Variants in ZC3H12B observed in about 807,000 individuals in gnomAD.
The protein encoded by ZC3H12B is zinc finger CCCH-type containing 12B.
A neutral mutation model predicts 43.9 loss-of-function variants in ZC3H12B; 7 were observed. That is an observed-to-expected ratio of 0.16 (90% CI 0.09 to 0.30). ZC3H12B has a LOEUF of 0.30. Ranked by LOEUF, ZC3H12B falls within the 10% of genes least tolerant of loss-of-function variation. The probability of loss-of-function intolerance (pLI) is 1.00; values close to 1 mark genes in which losing one functional copy is unlikely to be tolerated. For missense variants in ZC3H12B, 475 were observed against 670.2 expected (o/e 0.71, Z 3.22); for synonymous variants, 222 against 241.7 (o/e 0.92, Z 0.76).
At chrX:65,237,012 AT>A in the ZC3H12B span, among the ~76,000 whole-genome samples, 1 of 111,957 alleles carries the variant, frequency 8.9e-6, no homozygotes, top group African/African-American at 3.2e-5. Flanking sequence ...TTTGCTTAGA[AT>A]TGCTGTGGCT....
the ZC3H12B span, among the ~76,000 whole-genome samples, chrX:65,137,405 C>T: frequency 2.7e-5 from 3 of 112,001 alleles, no homozygotes; most frequent in Non-Finnish European, 5.6e-5. Context: ...CTTAAATTTG[C>T]TATCTCTGAC....
At chrX:65,319,114 A>T in the ZC3H12B span, among the ~76,000 whole-genome samples, 1 of 111,311 alleles carries the variant, frequency 9.0e-6, no homozygotes, top group East Asian at 2.8e-4. Flanking sequence ...GTTGTGAAAA[A>T]CCATACAAAG....
At chrX:65,387,677 G>A (rs1468613639) in intron 2 of ZC3H12B, among the ~76,000 whole-genome samples, 1 of 111,952 alleles carries the variant, frequency 8.9e-6, no homozygotes, top group African/African-American at 3.2e-5. Context: ...ATTTGATCCT[G>A]TCATTATGAT....
chrX:65,221,813 A>T, the ZC3H12B span, among the ~76,000 whole-genome samples: 1 of 111,203 alleles, frequency 9.0e-6, no homozygotes, highest in Admixed American at 9.6e-5. Context: ...CACAAGATAT[A>T]AAAAAAAGGA....
chrX:65,176,592 G>A, the ZC3H12B span, among the ~76,000 whole-genome samples: 2 of 111,406 alleles, frequency 1.8e-5, no homozygotes, highest in African/African-American at 6.5e-5. Context: ...ACTGATGGAG[G>A]GGATAACACC....
At chrX:65,392,250 T>A (rs1330925759) in intron 2 of ZC3H12B, among the ~76,000 whole-genome samples, 3 of 110,919 alleles carry the variant, frequency 2.7e-5, no homozygotes, top group African/African-American at 9.9e-5. Context: ...GAGGAGCCCC[T>A]CTGCCTGGCT....
At chrX:65,203,811 G>T in the ZC3H12B span, among the ~76,000 whole-genome samples, 2 of 111,474 alleles carry the variant, frequency 1.8e-5, no homozygotes, top group Non-Finnish European at 3.8e-5. Context: ...ACTTGCCCAG[G>T]AATTCCAGTC....
intron 3 of ZC3H12B, among the ~76,000 whole-genome samples, chrX:65,465,875 A>G (rs1436622536): frequency 9.1e-6 from 1 of 109,911 alleles, no homozygotes; most frequent in South Asian, 4.0e-4. Context: ...AAGGCATACA[A>G]CTTCATGATT....
At chrX:65,162,589 A>G in the ZC3H12B span, among the ~76,000 whole-genome samples, 1 of 111,678 alleles carries the variant, frequency 9.0e-6, no homozygotes, top group African/African-American at 3.3e-5. Context: ...TTCTTCACGT[A>G]GTTCTCGAGT....
the ZC3H12B span, among the ~76,000 whole-genome samples, chrX:65,320,587 C>T: frequency 8.9e-6 from 1 of 111,859 alleles, no homozygotes; most frequent in African/African-American, 3.2e-5. Flanking sequence ...GTCTGAATAG[C>T]CAAGGCAATT....
chrX:65,094,647 G>A, the ZC3H12B span, among the ~76,000 whole-genome samples: 1 of 112,476 alleles, frequency 8.9e-6, no homozygotes, highest in Non-Finnish European at 1.9e-5. Flanking sequence ...AACTGTACTA[G>A]CAGTTACTGT....
the ZC3H12B span, among the ~76,000 whole-genome samples, chrX:65,250,962 T>G: frequency 5.3e-5 from 6 of 112,198 alleles, no homozygotes; most frequent in African/African-American, 1.9e-4. Context: ...TTTGTCAATT[T>G]TGGCTTTTGT....
chrX:65,426,486 T>G (rs1247882371), intron 3 of ZC3H12B, among the ~76,000 whole-genome samples: 1 of 109,325 alleles, frequency 9.1e-6, no homozygotes, highest in Non-Finnish European at 1.9e-5. Flanking sequence ...TCAGCTTTGA[T>G]CTTGGTTATT....
chrX:65,231,547 C>T, the ZC3H12B span, among the ~76,000 whole-genome samples: 1 of 110,998 alleles, frequency 9.0e-6, no homozygotes, highest in Non-Finnish European at 1.9e-5. Flanking sequence ...CCCAGAGCGG[C>T]TATTCATAGA....
At chrX:65,109,652 G>A in the ZC3H12B span, among the ~76,000 whole-genome samples, 17 of 111,754 alleles carry the variant, frequency 1.5e-4, no homozygotes, top group Non-Finnish European at 3.0e-4. Context: ...ATGCTGCTAT[G>A]AACATTTTTG....
chrX:65,152,479 C>G, the ZC3H12B span, among the ~76,000 whole-genome samples: 2 of 109,791 alleles, frequency 1.8e-5, no homozygotes, highest in Non-Finnish European at 3.8e-5. Flanking sequence ...CCATTCACAA[C>G]TTTATTCTCT....
chrX:65,463,139 G>A (rs1165145168), intron 3 of ZC3H12B, among the ~76,000 whole-genome samples: 1 of 111,738 alleles, frequency 8.9e-6, no homozygotes, highest in Non-Finnish European at 1.9e-5. Context: ...GAAATGTGGG[G>A]AAGGGTTGAA....
intron 1 of ZC3H12B, among the ~76,000 whole-genome samples, chrX:65,495,755 T>C (rs1212026835): frequency 2.7e-5 from 3 of 112,787 alleles, no homozygotes; most frequent in Non-Finnish European, 5.6e-5. Context: ...TTCCAATTTC[T>C]ATTTAAATGA....
chrX:65,381,880 T>A (rs1169770172), intron 2 of ZC3H12B, among the ~76,000 whole-genome samples: 2 of 111,541 alleles, frequency 1.8e-5, no homozygotes, highest in Non-Finnish European at 3.8e-5. Context: ...CCTCGACACA[T>A]ACACTCTCCC....
Sources: allele counts gnomAD v4.1 joint callset (sites outside exome capture counted in the v4.1 genomes callset), GRCh38; gene constraint gnomAD v4.1.1; transcripts MANE v1.5; gene names NCBI Gene and HGNC (gene_info 2026-07-23, HGNC 2026-07-21).